The following DSCAM variants were observed in gnomAD, a reference collection of about 807,000 sequenced individuals.
DSCAM encodes the protein DS cell adhesion molecule.
DSCAM carries 47 observed loss-of-function variants against 217.7 expected under a neutral mutation model. The observed-to-expected ratio is 0.22, with a 90% CI of 0.17 to 0.28. DSCAM has a LOEUF of 0.28. Among genes scored for constraint, DSCAM ranks in the 10% least tolerant of loss-of-function variants. DSCAM has a pLI of 1.00. For synonymous variants in DSCAM, 1,056 were observed against 1,015.3 expected (o/e 1.04, Z -0.76); for missense variants, 2,080 against 2,618.3 (o/e 0.79, Z 4.49).
At chr21:40,432,072 G>A (rs898767538) in intron 3 of DSCAM, among the ~76,000 whole-genome samples, 6 of 152,014 alleles carry the variant, frequency 3.9e-5, no homozygotes, top group Admixed American at 3.9e-4. Flanking sequence ...GCATGGTGGT[G>A]GGTGCCTGTA....
intron 3 of DSCAM, among the ~76,000 whole-genome samples, chr21:40,637,518 T>G (rs1438965715): frequency 3.6e-5 from 1 of 27,882 alleles, no homozygotes; most frequent in East Asian, 8.3e-4. Context: ...AATATATAAA[T>G]ATATATAAAT....
chr21:40,824,402 G>GTTTTTTTTTT (rs2091951995), intron 1 of DSCAM, among the ~76,000 whole-genome samples: 1 of 116,226 alleles, frequency 8.6e-6, no homozygotes, highest in African/African-American at 4.1e-5. Flanking sequence ...TTTTATTATT[G>GTTTTTTTTTT]ATTTTTTTTT....
intron 3 of DSCAM, among the ~76,000 whole-genome samples, chr21:40,646,299 C>G (rs559743169): frequency 3.3e-5 from 5 of 151,674 alleles, no homozygotes; most frequent in African/African-American, 1.2e-4. Flanking sequence ...CCTGTAGTCT[C>G]AACTACTTGG....
chr21:40,749,142 G>T (rs1211609640), intron 1 of DSCAM, among the ~76,000 whole-genome samples: 1 of 152,058 alleles, frequency 6.6e-6, no homozygotes, highest in East Asian at 1.9e-4. Context: ...AAACATAGAG[G>T]AAATGCTTCA....
chr21:40,158,962 A>G (rs2090508822), intron 16 of DSCAM, among the ~76,000 whole-genome samples: 2 of 152,256 alleles, frequency 1.3e-5, no homozygotes. Context: ...GTTACATCTT[A>G]GTGCATTAAC....
intron 3 of DSCAM, among the ~76,000 whole-genome samples, chr21:40,598,567 C>T (rs1415733049): frequency 7.4e-6 from 1 of 135,752 alleles, no homozygotes; most frequent in Non-Finnish European, 1.5e-5. Flanking sequence ...TGCAGTGGCA[C>T]GATCTTGGCT....
At chr21:40,571,537 A>G (rs572439802) in intron 3 of DSCAM, among the ~76,000 whole-genome samples, 11 of 152,200 alleles carry the variant, frequency 7.2e-5, no homozygotes, top group Non-Finnish European at 1.5e-4. Context: ...AGAAATGCTT[A>G]AAGAAATGCA....
At chr21:40,812,910 A>C (rs1441833285) in intron 1 of DSCAM, among the ~76,000 whole-genome samples, 1 of 152,218 alleles carries the variant, frequency 6.6e-6, no homozygotes, top group Non-Finnish European at 1.5e-5. Flanking sequence ...CCAGTGTTGG[A>C]AACTGCTGTG....
chr21:40,137,315 A>T (rs1251497790), intron 18 of DSCAM, among the ~76,000 whole-genome samples: 1 of 151,902 alleles, frequency 6.6e-6, no homozygotes, highest in Non-Finnish European at 1.5e-5. Context: ...AACCATGAAG[A>T]CAAAGGCAGT....
At chr21:40,772,388 C>T (rs909352764) in intron 1 of DSCAM, among the ~76,000 whole-genome samples, 23 of 152,264 alleles carry the variant, frequency 1.5e-4, no homozygotes, top group Non-Finnish European at 2.5e-4. Flanking sequence ...AGGCTGGTCT[C>T]GAACTCCCGA....
intron 3 of DSCAM, among the ~76,000 whole-genome samples, chr21:40,608,138 A>G (rs962812435): frequency 1.3e-5 from 2 of 152,250 alleles, no homozygotes; most frequent in African/African-American, 2.4e-5. Context: ...TAAAATATAC[A>G]TAATCCTCAT....
intron 3 of DSCAM, among the ~76,000 whole-genome samples, chr21:40,632,084 C>T (rs1391306227): frequency 1.3e-5 from 2 of 152,320 alleles, no homozygotes; most frequent in East Asian, 3.9e-4. Flanking sequence ...TCTGAGTTTG[C>T]AAGGGTAGTG....
chr21:40,162,171 G>A (rs2090547608), intron 16 of DSCAM, among the ~76,000 whole-genome samples: 1 of 152,208 alleles, frequency 6.6e-6, no homozygotes, highest in Non-Finnish European at 1.5e-5. Flanking sequence ...GGCAGCCTGG[G>A]TGGAAGTCCT....
At chr21:40,539,956 C>T (rs1275753182) in intron 3 of DSCAM, among the ~76,000 whole-genome samples, 1 of 152,084 alleles carries the variant, frequency 6.6e-6, no homozygotes, top group Non-Finnish European at 1.5e-5. Context: ...AAAAATATGG[C>T]CAAAAAACCT....
intron 1 of DSCAM, among the ~76,000 whole-genome samples, chr21:40,822,609 T>C (rs1035952347): frequency 6.6e-6 from 1 of 152,114 alleles, no homozygotes; most frequent in Non-Finnish European, 1.5e-5. Context: ...ATGCTCTCCT[T>C]CTAAGAAAGC....
At chr21:40,469,415 T>C (rs982253866) in intron 3 of DSCAM, among the ~76,000 whole-genome samples, 5 of 152,100 alleles carry the variant, frequency 3.3e-5, no homozygotes, top group Admixed American at 6.5e-5. Flanking sequence ...CCCCTTCAGA[T>C]TGGAGGCTGG....
At chr21:40,760,996 T>G (rs1174411364) in intron 1 of DSCAM, among the ~76,000 whole-genome samples, 1 of 152,166 alleles carries the variant, frequency 6.6e-6, no homozygotes, top group Non-Finnish European at 1.5e-5. Flanking sequence ...CAACTTGGAG[T>G]TTGGCTCTTT....
intron 3 of DSCAM, among the ~76,000 whole-genome samples, chr21:40,690,219 T>G (rs1256193065): frequency 2.0e-5 from 3 of 152,170 alleles, no homozygotes; most frequent in African/African-American, 7.2e-5. Context: ...TGGGTGGAGC[T>G]CAGACACTGG....
chr21:40,477,455 A>G (rs986073476), intron 3 of DSCAM, among the ~76,000 whole-genome samples: 5 of 152,230 alleles, frequency 3.3e-5, no homozygotes, highest in African/African-American at 1.2e-4. Flanking sequence ...TCAGATGCTC[A>G]GTATTGAAGT....
Sources: allele counts gnomAD v4.1 joint callset (sites outside exome capture counted in the v4.1 genomes callset), GRCh38; gene constraint gnomAD v4.1.1; transcripts MANE v1.5; gene names NCBI Gene and HGNC (gene_info 2026-07-23, HGNC 2026-07-21).